OSBPL9: variants seen among roughly 807,000 people sequenced by gnomAD.
OSBPL9 encodes the protein oxysterol-binding protein-related protein 9.
Under a neutral mutation model 106.6 loss-of-function variants are expected in OSBPL9, and 40 were observed. The ratio of observed to expected loss-of-function variants is 0.38; its 90% CI spans 0.29 to 0.49. The LOEUF is 0.49. Among genes scored for constraint, OSBPL9 ranks in the 20% least tolerant of loss-of-function variants. OSBPL9 has a pLI of 0.97. For missense variants in OSBPL9, 609 were observed against 887.2 expected (o/e 0.69, Z 3.98); for synonymous variants, 269 against 295.4 (o/e 0.91, Z 0.92).
upstream of OSBPL9, among the ~76,000 whole-genome samples, chr1:51,612,536 T>G (rs539772931): frequency 1.1e-4 from 16 of 152,326 alleles, no homozygotes; most frequent in African/African-American, 2.6e-4. Flanking sequence ...ACGTGTAACT[T>G]TAGCTAATTA....
rs1430296747 is a variant in OSBPL9, at chr1:51,788,970, G to C, written c.*1181G>C. 1.3e-5 allele frequency among the ~76,000 whole-genome samples: 2 copies of C among 152,178 alleles called. No individual in the cohort carries two copies. The highest frequency in any genetic ancestry group is 2.9e-5 in the Non-Finnish European group (2 of 68,028). On this transcript the variant is annotated 3_prime_UTR_variant, in exon 24 of 24. Transcript: ENST00000428468. Reference sequence around the variant, plus strand: ...CTTTCAAGAAGTAGATTCTCAGTCTGAGAGGACACAGGCCAGGGCTTCTCA... The same window carrying C: ...CTTTCAAGAAGTAGATTCTCAGTCTCAGAGGACACAGGCCAGGGCTTCTCA...
intron 1 of OSBPL9, among the ~76,000 whole-genome samples, chr1:51,622,416 A>G (rs1644496874): frequency 6.6e-6 from 1 of 152,220 alleles, no homozygotes; most frequent in African/African-American, 2.4e-5. Context: ...TTAGTTATCT[A>G]TTGCGTTATG....
chr1:51,702,686 T>C (rs1286154053), intron 3 of OSBPL9, among the ~76,000 whole-genome samples: 1 of 152,236 alleles, frequency 6.6e-6, no homozygotes, highest in Non-Finnish European at 1.5e-5. Flanking sequence ...TTGTTGCCAT[T>C]GCTTTTGGTG....
rs190688185 is a variant in OSBPL9, at chr1:51,619,343, C to T, written c.111+2122C>T. Among the ~76,000 whole-genome samples, 56 of 152,254 alleles carry T rather than the reference C, an allele frequency of 3.7e-4. 1 individual carries two copies. The East Asian group carries it at 0.011, about 29-fold the overall frequency. ...TAGCCCAGAAAGAATCTTCCTTTTT[C>T]CTCTTTTTCTTCTTTTCATGTATCC... On this transcript the variant is annotated intron_variant, in intron 1 of 23. Coordinates refer to ENST00000428468, the MANE Select transcript of OSBPL9 (RefSeq NM_024586.6).
At chr1:51,708,264 C>CTTTTTTTT (rs71063050) in intron 3 of OSBPL9, 1 of 130,290 alleles carries the variant, frequency 7.7e-6, no homozygotes, top group Admixed American at 7.6e-5. Context: ...TTTTCTTTTT[C>CTTTTTTTT]TTTTTTTTTT....
rs369920852 is a variant in OSBPL9, at chr1:51,605,028, T to C, written c.-353+6835T>C. On this transcript the variant is annotated intron_variant, in intron 2 of 25. Transcript: ENST00000371714. ...TCACTTATGCTTTTGCCCTACTACA[T>C]GGCAGAGTTGGGTGTTTCTGATAAA... 3.3e-5 allele frequency among the ~76,000 whole-genome samples: 5 copies of C among 152,336 alleles called. No homozygotes were observed. In the East Asian group the frequency reaches 9.7e-4, roughly 29 times the overall value.
chr1:51,596,830 C>T (rs1310574839), intron 1 of OSBPL9, among the ~76,000 whole-genome samples: 1 of 152,076 alleles, frequency 6.6e-6, no homozygotes, highest in Admixed American at 6.6e-5. Context: ...CTCCTATATG[C>T]CAGGCACTGG....
intron 23 of OSBPL9, 29 bp downstream of exon 23, chr1:51,787,517 T>C: frequency 1.2e-6 from 2 of 1,612,648 alleles, no homozygotes; most frequent in Non-Finnish European, 1.7e-6. Context: ...CCCTCCTAAG[T>C]GCTGTTCCTC....
chr1:51,784,428 T>G lies in OSBPL9; in HGVS notation c.1689-14T>G. The stretch of plus-strand genomic sequence containing the variant: ...TTAACTGTCAACCTTACCTAAAAAC[T>G]TTTGATTTTGCAGGTCTATCCTCAC... On this transcript the variant is annotated splice_polypyrimidine_tract_variant and intron_variant, in intron 19 of 23. Coordinates refer to ENST00000428468, the MANE Select transcript of OSBPL9 (RefSeq NM_024586.6). 3 of 1,613,874 alleles carry G rather than the reference T, an allele frequency of 1.9e-6. No individual in the cohort carries two copies. The highest frequency in any genetic ancestry group is 2.5e-6 in the Non-Finnish European group (3 of 1,179,750).
chr1:51,726,422 TTTC>T (rs1462431098), intron 4 of OSBPL9, among the ~76,000 whole-genome samples: 1 of 152,210 alleles, frequency 6.6e-6, no homozygotes, highest in Non-Finnish European at 1.5e-5. Context: ...TCTTCTTTTT[TTTC>T]TTCCATTGCT....
rs1427242153 is a variant in OSBPL9 at position 51,781,428 on chromosome 1, CA to C, written c.1428+97del. ...AAATAATAATGATGAAAGCAATGATCAAAAGATGGTCACCACCCATAGAAGA... is the reference window on the plus strand; with the variant it reads ...AAATAATAATGATGAAAGCAATGATCAAAGATGGTCACCACCCATAGAAGA... On this transcript the variant is annotated intron_variant, in intron 16 of 23. Transcript: ENST00000428468. 2.4e-5 allele frequency: 30 copies of C among 1,260,180 alleles called. No homozygotes were observed. In the East Asian group the frequency reaches 6.0e-4, roughly 25 times the overall value. The allele number at this position is 1,260,180 out of a possible 1,614,324, so 78.1% of individuals were successfully genotyped here. A position where few individuals can be genotyped will look rare whatever the true frequency, so the allele number is the denominator to read the frequency against.
chr1:51,771,875 C>G (rs997254291), intron 12 of OSBPL9, among the ~76,000 whole-genome samples, 195 bp from the exon 13 acceptor site: 1 of 152,182 alleles, frequency 6.6e-6, no homozygotes, highest in South Asian at 2.1e-4. Flanking sequence ...TTTTTGATGA[C>G]TTCTAGGTCT....
chr1:51,738,795 A>G (rs961342820), intron 4 of OSBPL9, among the ~76,000 whole-genome samples: 3 of 151,972 alleles, frequency 2.0e-5, no homozygotes, highest in Non-Finnish European at 4.4e-5. Flanking sequence ...AGTATTATCT[A>G]GTTCTTGATT....
chr1:51,758,539 AG>A (rs1248770345), intron 9 of OSBPL9, among the ~76,000 whole-genome samples: 15 of 152,086 alleles, frequency 9.9e-5, no homozygotes, highest in Admixed American at 1.3e-4. Context: ...GTTGGGCCCT[AG>A]TACAAGAGCT....
chr1:51,617,046 C>A (rs765836923), upstream of OSBPL9: 22 of 1,544,714 alleles, frequency 1.4e-5, no homozygotes, highest in Middle Eastern at 2.0e-4. Flanking sequence ...GCCCCGCCCC[C>A]CGCATGCTGA....
At chr1:51,738,409 C>T (rs1053586126) in intron 4 of OSBPL9, among the ~76,000 whole-genome samples, 13 of 151,932 alleles carry the variant, frequency 8.6e-5, no homozygotes, top group African/African-American at 2.4e-4. Flanking sequence ...TAAAGATAAA[C>T]GCAATTCTGG....
chr1:51,759,340 G>A (rs995226400), intron 9 of OSBPL9, among the ~76,000 whole-genome samples: 5 of 152,020 alleles, frequency 3.3e-5, no homozygotes, highest in African/African-American at 4.8e-5. Flanking sequence ...CCTGAACACA[G>A]TGTATGTTTG....
intron 4 of OSBPL9, among the ~76,000 whole-genome samples, chr1:51,717,619 C>T (rs1661295532): frequency 6.6e-6 from 1 of 150,844 alleles, no homozygotes; most frequent in East Asian, 1.9e-4. Flanking sequence ...CATTGATCAT[C>T]AGAGAAATGC....
At chr1:51,756,282 T>G (rs768404924) in intron 8 of OSBPL9, 38 bp from the exon 9 acceptor site, 11 of 1,573,132 alleles carry the variant, frequency 7.0e-6, no homozygotes, top group African/African-American at 1.4e-5. Flanking sequence ...TACTTACATG[T>G]AAGAATGAAG....
Sources: gnomAD v4.1 joint callset for allele counts (sites outside exome capture counted in the v4.1 genomes callset) on GRCh38, gnomAD v4.1.1 for gene constraint, MANE v1.5 for transcripts, NCBI Gene and HGNC (gene_info 2026-07-23, HGNC 2026-07-21) for gene names.